Variants in DNAH10 observed in about 807,000 individuals in gnomAD.
The protein encoded by DNAH10 is axonemal beta dynein heavy chain 10.
DNAH10 carries 348 observed loss-of-function variants against 506.6 expected under a neutral mutation model. That is an observed-to-expected ratio of 0.69 (90% CI 0.63 to 0.75). The LOEUF is 0.75. Among genes scored for constraint, DNAH10 ranks in the 30% least tolerant of loss-of-function variants. DNAH10 has a pLI of 0.00. For synonymous variants in DNAH10, 2,059 were observed against 2,198.6 expected (o/e 0.94, Z 1.78); for missense variants, 5,179 against 5,787.1 (o/e 0.89, Z 3.41).
chr12:123,803,496 T>G (rs1958547059), intron 16 of DNAH10, among the ~76,000 whole-genome samples, 165 bp from the exon 17 acceptor site: 1 of 152,168 alleles, frequency 6.6e-6, no homozygotes, highest in South Asian at 2.1e-4. Context: ...TCCCAGTCCC[T>G]TAGGGTTCAA....
chr12:123,820,830 A>G, intron 24 of DNAH10, 72 bp downstream of exon 24: 1 of 1,508,538 alleles, frequency 6.6e-7, no homozygotes, highest in Non-Finnish European at 9.1e-7. Flanking sequence ...AGCCCTGCAG[A>G]CTTTGATGCC....
At chr12:123,809,635 C>T (rs1958849138) in intron 19 of DNAH10, among the ~76,000 whole-genome samples, 1 of 134,236 alleles carries the variant, frequency 7.4e-6, no homozygotes, top group Non-Finnish European at 1.6e-5. Context: ...GGCAACAGAG[C>T]AAGACCGTGT....
Position 123,813,178 on chromosome 12 carries a change from G to A in DNAH10, c.3159G>A (p.Trp1053Ter), listed in dbSNP as rs746376158. ...TACTTTGCCAGCATTTTGTTCGTTG[G>A]ATGAATGGCAGCTGCATAGAATGCC... ...CVEITKHFVRWMNGSCIECPP... is the reference protein window; with the variant it reads ...CVEITKHFVR Residue 1053 changes from tryptophan to a stop codon, truncating the protein, a stop_gained, in exon 20 of 79, where the codon TGG becomes TGA. Transcript: ENST00000673944. LOFTEE classifies it high-confidence loss of function. The A allele has an allele frequency of 6.2e-7, 1 of 1,602,668 alleles. No homozygotes were observed.
In DNAH10 at chr12:123,868,087, AAGG is replaced by A; in HGVS notation, c.7490_7492del (p.Gly2497del). ...GCTTCTTTGTCTACTGTTGACACAG[AAGG>A]AGTTTGGGCCAACCCTGGGGAACTG... is the stretch of plus-strand genomic sequence containing the variant. On this transcript the variant is annotated inframe_deletion, in exon 43 of 79. Coordinates refer to ENST00000673944, the MANE Select transcript of DNAH10 (RefSeq NM_001372106.1). 6.2e-7 allele frequency: 1 copy of A among 1,613,570 alleles called. No individual in the cohort carries two copies. Among genetic ancestry groups the A allele is most frequent in the Non-Finnish European group, 8.5e-7 (1 of 1,179,860 alleles).
Position 123,868,137 on chromosome 12 carries a change from C to T in DNAH10, c.7519+18C>T, listed in dbSNP as rs778654940. 2.5e-6 allele frequency: 4 copies of T among 1,603,712 alleles called. No homozygotes were observed. The highest frequency in any genetic ancestry group is 3.4e-6 in the Non-Finnish European group (4 of 1,173,762). ...ACTGCCAGGTGGGAACCGAGTGTCGCCTGTTTCCCTGCTCTGAGTGCCTTT... is the reference window on the plus strand; with the variant it reads ...ACTGCCAGGTGGGAACCGAGTGTCGTCTGTTTCCCTGCTCTGAGTGCCTTT... On this transcript the variant is annotated intron_variant, in intron 43 of 78. Transcript: ENST00000673944.
At chr12:123,920,634 A>G (rs1042826293) in intron 65 of DNAH10, among the ~76,000 whole-genome samples, 5 of 152,248 alleles carry the variant, frequency 3.3e-5, no homozygotes, top group African/African-American at 4.8e-5. Context: ...CATCATATTC[A>G]GGTTTTCAAA....
Position 123,820,453 on chromosome 12 carries a change from A to C in DNAH10, c.4001-127A>C, listed in dbSNP as rs982929550. 1.4e-5 allele frequency: 13 copies of C among 947,870 alleles called. No homozygotes were observed. In the African/African-American group the frequency reaches 2.0e-4, roughly 15 times the overall value. 58.7% of individuals were successfully genotyped at this position (947,870 alleles called of 1,614,324 possible). A position where few individuals can be genotyped will look rare whatever the true frequency, so the allele number is the denominator to read the frequency against. ...TTACTTAGAATGGTGCCATGATTCT[A>C]AATTTGTCTTCCCGTGTGGTTTATG... is the stretch of plus-strand genomic sequence containing the variant. On this transcript the variant is annotated intron_variant, in intron 23 of 78. Transcript: ENST00000673944.
intron 47 of DNAH10, among the ~76,000 whole-genome samples, chr12:123,876,486 A>G (rs1323156132): frequency 6.6e-6 from 1 of 152,026 alleles, no homozygotes; most frequent in East Asian, 1.9e-4. Context: ...TACAAAAATT[A>G]GCCGGGTGTG....
rs1292886941 is a variant in DNAH10 at position 123,924,404 on chromosome 12, T to C, written c.11738T>C (p.Val3913Ala). 3.7e-6 allele frequency: 6 copies of C among 1,613,624 alleles called. No individual in the cohort carries two copies. Among genetic ancestry groups the C allele is most frequent in the Admixed American group, 1.7e-5 (1 of 59,982 alleles). Residue 3913 changes from valine (V) to alanine (A), a missense_variant, in exon 67 of 79, where the codon GTT becomes GCT. Physicochemically the swap from Val to Ala is moderately conservative, Grantham distance 64. Coordinates refer to ENST00000673944, the MANE Select transcript of DNAH10 (RefSeq NM_001372106.1). ...AACTTTGGGCAACTTCCTGATGATGTTGAGAATAATCAGACTGTCTGGCAG... is the reference window on the plus strand; with the variant it reads ...AACTTTGGGCAACTTCCTGATGATGCTGAGAATAATCAGACTGTCTGGCAG... The part of the protein sequence containing the change: ...SDNFGQLPDD[V>A]ENNQTVWQEW...
At position 123,926,365 on chromosome 12, in the gene DNAH10, A is replaced by G. The variant is rs76109155; in HGVS notation, c.11922-272A>G. ...TTTTGTGCCATGGGCAGGCCCACCT[A>G]GAGGGCAAGCTGAGGTGCCCAGCTC... On this transcript the variant is annotated intron_variant, in intron 68 of 78. Transcript: ENST00000673944. This position sits in a 1 kb window ranked among gnomAD's most constrained non-coding sequence, Gnocchi z 4.1. 9,410 of 415,942 alleles carry G rather than the reference A, an allele frequency of 0.023. 136 individuals carry two copies. The highest frequency in any genetic ancestry group is 0.034 in the Middle Eastern group (57 of 1,672). The allele number at this position is 415,942 out of a possible 1,614,324, so 25.8% of individuals were successfully genotyped here. A position where few individuals can be genotyped will look rare whatever the true frequency, so the allele number is the denominator to read the frequency against.
intron 60 of DNAH10, 65 bp from the exon 61 acceptor site, chr12:123,914,264 G>A (rs887163834): frequency 1.0e-5 from 15 of 1,470,286 alleles, no homozygotes; most frequent in Non-Finnish European, 1.3e-5. Context: ...GGTTCTTCTG[G>A]AATGTTCCTT....
At position 123,861,102 on chromosome 12, in the gene DNAH10, C is replaced by G. The variant is rs770842050; in HGVS notation, c.6840C>G (p.Asp2280Glu). 8 of 1,613,852 alleles carry G rather than the reference C, an allele frequency of 5.0e-6. No homozygotes were observed. Among genetic ancestry groups the G allele is most frequent in the Non-Finnish European group, 4.2e-6 (5 of 1,179,910 alleles). Residue 2280 changes from aspartate (D) to glutamate (E), a missense_variant, in exon 39 of 79, where the codon GAC becomes GAG. Asp to Glu is a conservative substitution (Grantham distance 45). Transcript: ENST00000673944. ...LYGILDPTTR[D>E]WTDGVLSNIF... ...GCATCCTGGACCCAACCACCCGAGA[C>G]TGGACAGATGGGGTGTTGTCAAACA...
Position 123,762,672 on chromosome 12 carries a change from CA to C in DNAH10, c.214+125del, listed in dbSNP as rs1956871892. 2.9e-6 allele frequency: 3 copies of C among 1,024,670 alleles called. No individual in the cohort carries two copies. The highest frequency in any genetic ancestry group is 4.0e-6 in the Non-Finnish European group (3 of 743,622). The allele number at this position is 1,024,670 out of a possible 1,614,324, so 63.5% of individuals were successfully genotyped here. A position where few individuals can be genotyped will look rare whatever the true frequency, so the allele number is the denominator to read the frequency against. ...CGGCCCCGGCCTCAGGTGCTGTCCA[CA>C]AACGCTGCCGCCCGCCACGTGCAGG... is the stretch of plus-strand genomic sequence containing the variant. On this transcript the variant is annotated intron_variant, in intron 1 of 78. Transcript: ENST00000673944. This position sits in a 1 kb window ranked among gnomAD's most constrained non-coding sequence, Gnocchi z 5.0.
At chr12:123,851,944 T>C (rs1951192579) in intron 35 of DNAH10, among the ~76,000 whole-genome samples, 2 of 152,146 alleles carry the variant, frequency 1.3e-5, no homozygotes, top group East Asian at 1.9e-4. Flanking sequence ...TGGCTAATCT[T>C]GCTTATTTTT....
chr12:123,775,119 T>A (rs1957391424), intron 5 of DNAH10, among the ~76,000 whole-genome samples: 1 of 152,232 alleles, frequency 6.6e-6, no homozygotes, highest in Non-Finnish European at 1.5e-5. Context: ...CTTTCTTTTT[T>A]ATTTTTATTG....
chr12:123,807,501 A>G (rs1156260477), intron 18 of DNAH10, among the ~76,000 whole-genome samples: 4 of 152,108 alleles, frequency 2.6e-5, no homozygotes, highest in Non-Finnish European at 4.4e-5. Context: ...GTGAGCTGAA[A>G]CGGGGAAGAG....
chr12:123,919,000 A>G, intron 65 of DNAH10, 51 bp downstream of exon 65: 2 of 1,497,066 alleles, frequency 1.3e-6, no homozygotes, highest in Non-Finnish European at 1.8e-6. Context: ...GGTGTGCCAG[A>G]CGTGGCTTTA....
At position 123,881,708 on chromosome 12, in the gene DNAH10, G is replaced by T. The variant is rs1178627080; in HGVS notation, c.8718G>T (p.Val2906=). Residue 2906 remains valine (V), a synonymous_variant, in exon 51 of 79, where the codon GTG becomes GTT. Transcript: ENST00000673944. Reference sequence around the variant, plus strand: ...ATGCTCTGGAGCATTTAACCCGGGTGCACCGTATCATCCGCATGGACCGCG... The same window carrying T: ...ATGCTCTGGAGCATTTAACCCGGGTTCACCGTATCATCCGCATGGACCGCG... The part of the protein sequence containing the change: ...FDDALEHLTR[V]HRIIRMDRGH... The T allele has an allele frequency of 1.9e-5, 29 of 1,550,038 alleles. No homozygotes were observed. In the East Asian group the frequency reaches 3.9e-4, roughly 21 times the overall value.
chr12:123,796,479 T>A (rs1487061413), intron 12 of DNAH10, among the ~76,000 whole-genome samples, 177 bp from the exon 13 acceptor site: 1 of 150,782 alleles, frequency 6.6e-6, no homozygotes, highest in African/African-American at 2.5e-5. Context: ...AACAAAAAGA[T>A]TACTACAGAG....
Sources: gnomAD v4.1 joint callset for allele counts (sites outside exome capture counted in the v4.1 genomes callset) on GRCh38, gnomAD v4.1.1 for gene constraint, Gnocchi (gnomAD v3.1) non-coding constraint, MANE v1.5 for transcripts, NCBI Gene and HGNC (gene_info 2026-07-23, HGNC 2026-07-21) for gene names.